Variants in KLHDC10 observed in about 807,000 individuals in gnomAD.
The protein encoded by KLHDC10 is kelch domain containing 10, also known as kelch domain-containing protein 10.
In KLHDC10, 24 loss-of-function variants were observed where a neutral mutation model predicts 56.1. The ratio of observed to expected loss-of-function variants is 0.43; its 90% CI spans 0.31 to 0.60. The LOEUF is 0.60. KLHDC10 is among the 20% of genes least tolerant of loss of function. KLHDC10 has a pLI of 0.11. For missense variants in KLHDC10, 349 were observed against 567.0 expected, an observed-to-expected ratio of 0.62 and a Z score of 3.91; for synonymous variants, 188 against 207.1, an observed-to-expected ratio of 0.91 and a Z score of 0.79.
intron 2 of KLHDC10, among the ~76,000 whole-genome samples, chr7:130,107,356 A>C (rs906134378): frequency 6.6e-6 from 1 of 152,202 alleles, no homozygotes; most frequent in Non-Finnish European, 1.5e-5. Flanking sequence ...AAAATTCAAG[A>C]TAATTCATGA....
rs538117157 is a variant in KLHDC10, at chr7:130,126,295, G to T, written c.931+364G>T. On this transcript the variant is annotated intron_variant, in intron 7 of 9. Transcript: ENST00000335420. The stretch of plus-strand genomic sequence containing the variant: ...ATTGAGCCACTACTCTCCAGCCTGG[G>T]CATCAAAATGAGACCCTATCTCAAA... 8.5e-5 allele frequency among the ~76,000 whole-genome samples: 13 copies of T among 152,300 alleles called. 1 individual carries two copies. The highest frequency in any genetic ancestry group is 3.1e-4 in the African/African-American group (13 of 41,558).
intron 1 of KLHDC10, among the ~76,000 whole-genome samples, chr7:130,079,151 G>A (rs1032867423): frequency 2.6e-5 from 4 of 151,832 alleles, no homozygotes; most frequent in African/African-American, 7.2e-5. Flanking sequence ...TCCGCCTCCT[G>A]GGTTCAAGTG....
At chr7:130,102,742 C>T (rs1795949876) in intron 2 of KLHDC10, among the ~76,000 whole-genome samples, 1 of 152,176 alleles carries the variant, frequency 6.6e-6, no homozygotes, top group South Asian at 2.1e-4. Context: ...ATGAGAATCA[C>T]TTGGACCTGG....
intron 8 of KLHDC10, among the ~76,000 whole-genome samples, chr7:130,128,987 C>T (rs375523613): frequency 4.1e-5 from 6 of 145,618 alleles, no homozygotes; most frequent in African/African-American, 1.6e-4. Flanking sequence ...TTCCAACTTG[C>T]CTTGAAAAAA....
In KLHDC10 at chr7:130,125,944, T is replaced by A; in HGVS notation, c.931+13T>A. 1 of 1,526,596 alleles carries A rather than the reference T, an allele frequency of 6.6e-7. No individual in the cohort carries two copies. The highest frequency in any genetic ancestry group is 8.9e-7 in the Non-Finnish European group (1 of 1,121,474). The allele number at this position is 1,526,596 out of a possible 1,614,324, so 94.6% of individuals were successfully genotyped here. ...CATGAAAAAATAGGTAAATTTAAAGTATTGATTAATTTATCTTTAACAAAC... is the reference window on the plus strand; with the variant it reads ...CATGAAAAAATAGGTAAATTTAAAGAATTGATTAATTTATCTTTAACAAAC... On this transcript the variant is annotated intron_variant, in intron 7 of 9. Transcript: ENST00000335420.
intron 1 of KLHDC10, among the ~76,000 whole-genome samples, chr7:130,085,282 G>A (rs1044654383): frequency 2.7e-5 from 4 of 149,340 alleles, no homozygotes; most frequent in East Asian, 2.0e-4. Flanking sequence ...GCAGTGAGCC[G>A]AGATCATGCC....
intron 2 of KLHDC10, among the ~76,000 whole-genome samples, chr7:130,113,750 A>G (rs1796132322): frequency 6.6e-6 from 1 of 152,238 alleles, no homozygotes; most frequent in African/African-American, 2.4e-5. Flanking sequence ...CAATAAACTT[A>G]TAACATTACT....
At chr7:130,097,046 G>A (rs1454923645) in intron 2 of KLHDC10, 39 bp downstream of exon 2, 2 of 1,335,422 alleles carry the variant, frequency 1.5e-6, no homozygotes, top group East Asian at 2.4e-5. Context: ...CTTCGTATGG[G>A]TTAAAGGGAA....
At chr7:130,093,510 G>T (rs1563099573) in intron 1 of KLHDC10, among the ~76,000 whole-genome samples, 1 of 152,126 alleles carries the variant, frequency 6.6e-6, no homozygotes, top group Non-Finnish European at 1.5e-5. Flanking sequence ...ACAGGCATGA[G>T]CCACCACACC....
At position 130,120,078 on chromosome 7, in the gene KLHDC10, T is replaced by G. The variant is rs1366131230; in HGVS notation, c.476-671T>G. ...GGATTAAAATGACAGAAACCATAAT[T>G]GTAAATTTAGAAATCATTCTCCTGG... On this transcript the variant is annotated intron_variant, in intron 3 of 9. Transcript: ENST00000335420. This position sits in a 1 kb window ranked among gnomAD's most constrained non-coding sequence, Gnocchi z 5.1. Among the ~76,000 whole-genome samples, 1 of 152,166 alleles carries G rather than the reference T, an allele frequency of 6.6e-6. No individual in the cohort carries two copies. Among genetic ancestry groups the G allele is most frequent in the African/African-American group, 2.4e-5 (1 of 41,428 alleles).
intron 1 of KLHDC10, among the ~76,000 whole-genome samples, chr7:130,090,005 C>G (rs1436340652): frequency 3.3e-5 from 5 of 152,000 alleles, no homozygotes. Flanking sequence ...CCTCAGCCTC[C>G]CGAGTAGCTG....
intron 1 of KLHDC10, among the ~76,000 whole-genome samples, chr7:130,080,545 A>G (rs546857192): frequency 2.0e-5 from 3 of 151,866 alleles, no homozygotes; most frequent in Admixed American, 2.0e-4. Flanking sequence ...GGTGTACACC[A>G]CTACACCTGG....
Position 130,116,970 on chromosome 7 carries a change from C to T in KLHDC10, c.475+304C>T, listed in dbSNP as rs973275239. Among the ~76,000 whole-genome samples, 6 of 152,102 alleles carry T rather than the reference C, an allele frequency of 3.9e-5. No homozygotes were observed. Among genetic ancestry groups the T allele is most frequent in the East Asian group, 1.9e-4 (1 of 5,194 alleles). On this transcript the variant is annotated intron_variant, in intron 3 of 9. Transcript: ENST00000335420. The surrounding 1 kb of genome is among the most constrained non-coding windows in gnomAD (Gnocchi z 4.8). ...GAAGGTCAACAAATGGGGCTTATGA[C>T]GATGACAGTTAATAGCTGTTGAGCA...
At chr7:130,097,642 A>G (rs1470094195) in intron 2 of KLHDC10, among the ~76,000 whole-genome samples, 1 of 152,190 alleles carries the variant, frequency 6.6e-6, no homozygotes, top group Non-Finnish European at 1.5e-5. Flanking sequence ...GTTTTTACCT[A>G]TTAGATGAGC....
At chr7:130,074,802 G>C (rs1378446654) in intron 1 of KLHDC10, among the ~76,000 whole-genome samples, 1 of 151,920 alleles carries the variant, frequency 6.6e-6, no homozygotes, top group Non-Finnish European at 1.5e-5. Flanking sequence ...GTAGAGACGG[G>C]GTTTCATCAT....
At chr7:130,083,157 C>A (rs1346762944) in intron 1 of KLHDC10, among the ~76,000 whole-genome samples, 3 of 152,194 alleles carry the variant, frequency 2.0e-5, no homozygotes, top group Admixed American at 2.0e-4. Flanking sequence ...ACAATTTCAT[C>A]ATTTTTCCTG....
intron 2 of KLHDC10, among the ~76,000 whole-genome samples, chr7:130,104,581 C>A (rs185411383): frequency 1.3e-5 from 2 of 152,192 alleles, no homozygotes; most frequent in Admixed American, 1.3e-4. Flanking sequence ...TAAATAAATA[C>A]CTGAGACTGG....
chr7:130,084,887 AGT>A (rs140142074), intron 1 of KLHDC10, among the ~76,000 whole-genome samples: 6,525 of 151,988 alleles, frequency 0.043, 477 homozygotes, highest in African/African-American at 0.15. Context: ...GCAAATCAAG[AGT>A]GTTGTTTTGG....
intron 1 of KLHDC10, among the ~76,000 whole-genome samples, chr7:130,073,438 G>A (rs1795451683): frequency 6.6e-6 from 1 of 151,876 alleles, no homozygotes; most frequent in South Asian, 2.1e-4. Flanking sequence ...TGGATTAGAG[G>A]TGCGGGCCAC....
Sources: gnomAD v4.1 joint callset for allele counts (sites outside exome capture counted in the v4.1 genomes callset) on GRCh38, gnomAD v4.1.1 for gene constraint, Gnocchi (gnomAD v3.1) non-coding constraint, MANE v1.5 for transcripts, NCBI Gene and HGNC (gene_info 2026-07-23, HGNC 2026-07-21) for gene names.